The following TBC1D5 variants were observed in gnomAD, a reference collection of about 807,000 sequenced individuals.
TBC1D5 encodes TBC1 domain family, member 5.
A neutral mutation model predicts 100.3 loss-of-function variants in TBC1D5; 75 were observed. That is an observed-to-expected ratio of 0.75 (90% CI 0.62 to 0.91). The LOEUF is 0.91. Among genes scored for constraint, TBC1D5 ranks in the 40% least tolerant of loss-of-function variants. The probability of loss-of-function intolerance (pLI) is 0.00; values close to 1 mark genes in which losing one functional copy is unlikely to be tolerated. For synonymous variants in TBC1D5, 323 were observed against 325.6 expected (o/e 0.99, Z 0.09); for missense variants, 910 against 942.4 (o/e 0.97, Z 0.45).
chr3:17,569,157 C>A (rs1198075343), intron 2 of TBC1D5, among the ~76,000 whole-genome samples: 2 of 151,738 alleles, frequency 1.3e-5, no homozygotes, highest in African/African-American at 4.8e-5. Flanking sequence ...TAAAAATCTG[C>A]AAACAGAGAA....
chr3:17,690,834 G>A (rs545170447), intron 1 of TBC1D5, among the ~76,000 whole-genome samples: 63 of 152,186 alleles, frequency 4.1e-4, no homozygotes, highest in African/African-American at 1.4e-3. Context: ...GGTCCCTGGT[G>A]CCAAAAAGGG....
At chr3:17,402,410 C>T (rs1190385486) in intron 8 of TBC1D5, among the ~76,000 whole-genome samples, 1 of 152,096 alleles carries the variant, frequency 6.6e-6, no homozygotes, top group Non-Finnish European at 1.5e-5. Flanking sequence ...ATTAAGTTTA[C>T]TAACATTTAT....
At chr3:17,294,214 T>G (rs951720548) in intron 14 of TBC1D5, among the ~76,000 whole-genome samples, 4 of 152,022 alleles carry the variant, frequency 2.6e-5, no homozygotes, top group African/African-American at 9.7e-5. Flanking sequence ...ATTTATTTAT[T>G]TATTTATTTA....
At chr3:17,500,028 G>A (rs2095765370) in intron 3 of TBC1D5, among the ~76,000 whole-genome samples, 1 of 149,350 alleles carries the variant, frequency 6.7e-6, no homozygotes. Flanking sequence ...GCTATTGCAA[G>A]GCTACTGTTT....
chr3:17,450,086 A>G (rs1176019539), intron 3 of TBC1D5, among the ~76,000 whole-genome samples: 1 of 152,164 alleles, frequency 6.6e-6, no homozygotes, highest in African/African-American at 2.4e-5. Flanking sequence ...ATACCAAGGC[A>G]AACAGGGTCT....
In TBC1D5 at chr3:17,376,502, C is replaced by T. The variant is rs1031046054; in HGVS notation, c.701+23G>A. Reference sequence around the variant, plus strand: ...CGTGGGGGCTAAAAAACAAATGGAGCTCATATTAAAAAAAAAACTTGCCTG... The same window carrying T: ...CGTGGGGGCTAAAAAACAAATGGAGTTCATATTAAAAAAAAAACTTGCCTG... On this transcript the variant is annotated intron_variant, in intron 10 of 21. Transcript: ENST00000253692. 6 of 1,577,732 alleles carry T rather than the reference C, an allele frequency of 3.8e-6. No homozygotes were observed. The South Asian group carries it at 5.9e-5, about 16-fold the overall frequency.
intron 1 of TBC1D5, among the ~76,000 whole-genome samples, chr3:17,626,052 T>C (rs1203528502): frequency 1.3e-5 from 2 of 152,160 alleles, no homozygotes; most frequent in Non-Finnish European, 2.9e-5. Flanking sequence ...TATAGCATTA[T>C]GTGTATTTAG....
intron 7 of TBC1D5, among the ~76,000 whole-genome samples, chr3:17,404,375 T>C (rs1326339477): frequency 6.6e-6 from 1 of 152,040 alleles, no homozygotes. Flanking sequence ...GAGGCTTTCC[T>C]TAGCTACCCA....
chr3:17,612,601 G>A (rs1259221874), intron 2 of TBC1D5, among the ~76,000 whole-genome samples: 1 of 152,024 alleles, frequency 6.6e-6, no homozygotes, highest in Non-Finnish European at 1.5e-5. Context: ...CTTCACTCAA[G>A]CCTGGGTGAC....
chr3:17,696,333 C>T (rs1297254696), intron 1 of TBC1D5, among the ~76,000 whole-genome samples: 4 of 151,940 alleles, frequency 2.6e-5, no homozygotes, highest in Non-Finnish European at 5.9e-5. Flanking sequence ...AAAAGATCAA[C>T]AAAACTGATA....
chr3:17,726,254 T>C (rs895112468), intron 1 of TBC1D5, among the ~76,000 whole-genome samples: 2 of 152,232 alleles, frequency 1.3e-5, no homozygotes, highest in African/African-American at 4.8e-5. Context: ...GTAGGTCAAA[T>C]GATACTTCTA....
intron 3 of TBC1D5, among the ~76,000 whole-genome samples, chr3:17,451,628 T>G (rs1184703084): frequency 1.3e-5 from 2 of 152,160 alleles, no homozygotes; most frequent in East Asian, 3.9e-4. Context: ...GAAATAACAC[T>G]GGAGGGGAAG....
Position 17,174,282 on chromosome 3 carries a change from G to C in TBC1D5, c.1853-6454C>G, listed in dbSNP as rs1480001240. 5.3e-5 allele frequency among the ~76,000 whole-genome samples: 8 copies of C among 151,994 alleles called. No homozygotes were observed. The East Asian group carries it at 1.5e-3, about 29-fold the overall frequency. On this transcript the variant is annotated intron_variant, in intron 19 of 21. Coordinates refer to ENST00000253692, the Ensembl canonical transcript of TBC1D5. ...CTGCACTGTTCTACCTGGCACCAAA[G>C]GTGCCAGGTTCTAAATATGGTGCTC...
At chr3:17,328,486 G>A (rs2086459324) in intron 13 of TBC1D5, among the ~76,000 whole-genome samples, 1 of 152,046 alleles carries the variant, frequency 6.6e-6, no homozygotes, top group African/African-American at 2.4e-5. Flanking sequence ...CTGACAAATG[G>A]GCAAATGAGG....
At chr3:17,211,942 G>A (rs2073038282) in intron 18 of TBC1D5, among the ~76,000 whole-genome samples, 1 of 152,146 alleles carries the variant, frequency 6.6e-6, no homozygotes, top group African/African-American at 2.4e-5. Flanking sequence ...ACTCTTCAGA[G>A]AGCAAAAATG....
intron 3 of TBC1D5, among the ~76,000 whole-genome samples, chr3:17,452,369 T>C (rs1487652852): frequency 6.6e-6 from 1 of 152,048 alleles, no homozygotes; most frequent in Non-Finnish European, 1.5e-5. Flanking sequence ...AGACAGAAGG[T>C]CTGAATGGAT....
intron 17 of TBC1D5, among the ~76,000 whole-genome samples, chr3:17,223,785 T>C (rs1380535971): frequency 1.3e-5 from 2 of 152,002 alleles, no homozygotes; most frequent in Non-Finnish European, 2.9e-5. Context: ...TTGAACCCTG[T>C]AGTCCCAGCT....
chr3:17,274,507 T>C (rs2100226), intron 15 of TBC1D5, among the ~76,000 whole-genome samples: 1,954 of 152,318 alleles, frequency 0.013, 32 homozygotes, highest in African/African-American at 0.044. Flanking sequence ...AATAGAAATG[T>C]TCAATTAGAA....
intron 5 of TBC1D5, among the ~76,000 whole-genome samples, chr3:17,405,655 G>A (rs1211544319): frequency 6.6e-6 from 1 of 151,960 alleles, no homozygotes. Flanking sequence ...TGCCTTTAAT[G>A]CCTGCATCTA....
Sources: gnomAD v4.1 joint callset for allele counts (sites outside exome capture counted in the v4.1 genomes callset) on GRCh38, gnomAD v4.1.1 for gene constraint, MANE v1.5 for transcripts, NCBI Gene and HGNC (gene_info 2026-07-23, HGNC 2026-07-21) for gene names.